Variants in PLEKHO1 observed in about 807,000 individuals in gnomAD.
PLEKHO1 encodes the protein pleckstrin homology domain containing O1, also known as pleckstrin homology domain-containing family O member 1.
Under a neutral mutation model 41.4 loss-of-function variants are expected in PLEKHO1, and 22 were observed. That is an observed-to-expected ratio of 0.53 (90% CI 0.38 to 0.76). The LOEUF is 0.76. Ranked by LOEUF, PLEKHO1 falls within the 30% of genes least tolerant of loss-of-function variation. PLEKHO1 has a pLI of 0.00. For synonymous variants in PLEKHO1, 225 were observed against 210.8 expected (o/e 1.07, Z -0.58); for missense variants, 488 against 518.3 (o/e 0.94, Z 0.57).
chr1:150,154,725 G>A (rs1553819965), intron 2 of PLEKHO1: 3 of 152,208 alleles, frequency 2.0e-5, no homozygotes, highest in African/African-American at 7.2e-5. Context: ...GAAGACGTGA[G>A]GCTACTTTTA....
In PLEKHO1 at chr1:150,156,182, C is replaced by G. The variant is rs1660159533; in HGVS notation, c.294C>G (p.Ala98=). Residue 98 remains alanine, a synonymous_variant, in exon 3 of 6, where the codon GCC becomes GCG. Transcript: ENST00000369124. ...AAAATCATAGCAAGTTTACTCTTGC[C>G]CACTCCAAACAGCCCGGTAACACGG... ...SKKNHSKFTL[A]HSKQPGNTAP... The G allele has an allele frequency of 1.9e-6, 3 of 1,613,764 alleles. No individual in the cohort carries two copies. Among genetic ancestry groups the G allele is most frequent in the South Asian group, 2.2e-5 (2 of 91,054 alleles).
rs781982662 is a variant in PLEKHO1, at chr1:150,156,092, G to A, written c.204G>A (p.Glu68=). The A allele has an allele frequency of 2.4e-5, 38 of 1,613,306 alleles. 1 individual carries two copies. Among genetic ancestry groups the A allele is most frequent in the South Asian group, 2.2e-4 (20 of 90,984 alleles). Residue 68 remains glutamate (E), a synonymous_variant, in exon 3 of 6, where the codon GAG becomes GAA. Transcript: ENST00000369124. The part of the protein sequence containing the change: ...KEVKDEKNIQ[E]VFDLSDYEKC... ...TAAAAGATGAGAAAAATATTCAAGA[G>A]GTATTTGACCTGAGTGACTATGAGA... is the stretch of plus-strand genomic sequence containing the variant.
intron 1 of PLEKHO1, 45 bp from the exon 2 acceptor site, chr1:150,150,867 G>T (rs782144183): frequency 6.3e-7 from 1 of 1,588,800 alleles, no homozygotes; most frequent in Non-Finnish European, 8.6e-7. Context: ...GGAAGCGCCG[G>T]CTGGAATCTC....
intron 3 of PLEKHO1, among the ~76,000 whole-genome samples, chr1:150,156,417 T>G (rs1660169862): frequency 1.3e-5 from 2 of 152,106 alleles, no homozygotes; most frequent in African/African-American, 4.8e-5. Flanking sequence ...GCCACAAAGA[T>G]CATCTCTCTA....
chr1:150,152,990 T>A (rs1271800608), intron 2 of PLEKHO1: 1 of 152,202 alleles, frequency 6.6e-6, no homozygotes, highest in South Asian at 2.1e-4. Flanking sequence ...ACCATCTGAC[T>A]GGTCATGGAG....
intron 5 of PLEKHO1, 41 bp from the exon 6 acceptor site, chr1:150,158,778 C>T (rs1660282587): frequency 2.1e-6 from 3 of 1,396,902 alleles, no homozygotes; most frequent in South Asian, 1.2e-5. Context: ...AAAATCCCTC[C>T]TGATGACAGG....
At position 150,159,459 on chromosome 1, in the gene PLEKHO1, A is replaced by G. The variant is rs782087189; in HGVS notation, c.1166A>G (p.Gln389Arg). The G allele has an allele frequency of 3.7e-6, 6 of 1,614,080 alleles. No homozygotes were observed. The Admixed American group carries it at 8.3e-5, about 22-fold the overall frequency. ...GACCTGTACAGACAGATGGACCTGCAGACCCCGGACTCCCACCTCAGACAG... is the reference window on the plus strand; with the variant it reads ...GACCTGTACAGACAGATGGACCTGCGGACCCCGGACTCCCACCTCAGACAG... ...LRDLYRQMDL[Q>R]TPDSHLRQTT... is the part of the protein sequence containing the mutation. The change falls in exon 6 of 6, where the codon CAG becomes CGG. Residue 389 changes from glutamine to arginine, a missense_variant. Transcript: ENST00000369124.
intron 5 of PLEKHO1, 76 bp downstream of exon 5, chr1:150,157,562 C>A: frequency 1.9e-6 from 2 of 1,045,586 alleles, no homozygotes; most frequent in Middle Eastern, 2.1e-4. Context: ...TGTATGCCAC[C>A]AGAGGCATTT....
chr1:150,155,800 G>T (rs1218561392), intron 2 of PLEKHO1: 6 of 368,288 alleles, frequency 1.6e-5, no homozygotes, highest in Non-Finnish European at 2.9e-5. Context: ...GAGGCATAGT[G>T]GGACTCTGGA....
chr1:150,156,886 T>A (rs1660191400), intron 3 of PLEKHO1, 25 bp from the exon 4 acceptor site: 9 of 1,438,694 alleles, frequency 6.3e-6, no homozygotes, highest in Non-Finnish European at 8.8e-6. Flanking sequence ...AAACCCTGGC[T>A]GAAACAGGAA....
rs1660291672 is a variant in PLEKHO1, at chr1:150,158,870, G to T, written c.577G>T (p.Glu193Ter). The T allele has an allele frequency of 6.2e-7, 1 of 1,613,812 alleles. No homozygotes were observed. Among genetic ancestry groups the T allele is most frequent in the African/African-American group, 1.3e-5 (1 of 75,028 alleles). The stretch of plus-strand genomic sequence containing the variant: ...GCTGACCTTGGACTTGATCCAAGAG[G>T]AAGACCCTTCCCCTGAGGAACCAAC... ...GMLTLDLIQE[E>*]DPSPEEPTSC... Residue 193 changes from glutamate to a stop codon, truncating the protein, a stop_gained, in exon 6 of 6, where the codon GAA (glutamate) becomes TAA (stop). Coordinates refer to ENST00000369124, the MANE Select transcript of PLEKHO1 (RefSeq NM_016274.6). LOFTEE classifies it high-confidence loss of function.
In PLEKHO1 at chr1:150,151,242, A is replaced by G. The variant is rs1026047488; in HGVS notation, c.177+184A>G. 2.6e-5 allele frequency among the ~76,000 whole-genome samples: 4 copies of G among 152,200 alleles called. No homozygotes were observed. In the East Asian group the frequency reaches 7.7e-4, roughly 29 times the overall value. On this transcript the variant is annotated intron_variant, in intron 2 of 5. Transcript: ENST00000369124. ...TAATGAGAAGACCAGAGTGAGAATT[A>G]GAAGTTGAGTTGGCCGCTTACTCAG...
chr1:150,150,701 G>T (rs1024172461), intron 1 of PLEKHO1: 8 of 547,572 alleles, frequency 1.5e-5, no homozygotes, highest in Non-Finnish European at 2.6e-5. Flanking sequence ...TGCAGCCCCG[G>T]TTGTTTATTC....
chr1:150,155,145 G>A (rs587736446), intron 2 of PLEKHO1: 1 of 152,354 alleles, frequency 6.6e-6, no homozygotes, highest in Admixed American at 6.5e-5. Context: ...CTTAAAACCT[G>A]CTAAAGGTGG....
At chr1:150,158,716 A>G in intron 5 of PLEKHO1, 103 bp from the exon 6 acceptor site, 1 of 793,176 alleles carries the variant, frequency 1.3e-6, no homozygotes. Context: ...CATTCAAGGA[A>G]GGCTTGTAGA....
chr1:150,159,441 A>G lies in PLEKHO1; in HGVS notation c.1148A>G (p.Tyr383Cys). 1 of 1,614,118 alleles carries G rather than the reference A, an allele frequency of 6.2e-7. No homozygotes were observed. Among genetic ancestry groups the G allele is most frequent in the Non-Finnish European group, 8.5e-7 (1 of 1,180,016 alleles). ...GAGGTCAGGGAGCTGAGAGACCTGTACAGACAGATGGACCTGCAGACCCCG... is the reference window on the plus strand; with the variant it reads ...GAGGTCAGGGAGCTGAGAGACCTGTGCAGACAGATGGACCTGCAGACCCCG... ...LQEVRELRDL[Y>C]RQMDLQTPDS... is the part of the protein sequence containing the mutation. Residue 383 changes from tyrosine to cysteine, a missense_variant, in exon 6 of 6, where the codon TAC (tyrosine) becomes TGC (cysteine). Physicochemically the swap from Tyr to Cys is radical, Grantham distance 194 (BLOSUM62 -2). Around this residue, in one of 3 missense-constraint regions of PLEKHO1, gnomAD observed 337 missense variants for 324.6 expected, o/e 1.04. Transcript: ENST00000369124.
At chr1:150,156,032 T>C (rs782572746) in intron 2 of PLEKHO1, 34 bp from the exon 3 acceptor site, 1 of 1,596,900 alleles carries the variant, frequency 6.3e-7, no homozygotes, top group Non-Finnish European at 8.6e-7. Context: ...CTAAATAATT[T>C]TATCCTCCTC....
chr1:150,151,191 C>G, intron 2 of PLEKHO1, 133 bp downstream of exon 2: 2 of 902,862 alleles, frequency 2.2e-6, no homozygotes, highest in Non-Finnish European at 3.4e-6. Flanking sequence ...CTACCCCCAT[C>G]TCATCTGCAG....
chr1:150,153,759 A>G (rs772018717), intron 2 of PLEKHO1: 2 of 152,220 alleles, frequency 1.3e-5, no homozygotes, highest in Non-Finnish European at 2.9e-5. Context: ...AGACCTTAGG[A>G]AGACCTCATG....
Sources: gnomAD v4.1 joint callset for allele counts (sites outside exome capture counted in the v4.1 genomes callset) on GRCh38, gnomAD v4.1.1 for gene constraint, gnomAD v4.1.1 regional missense constraint, MANE v1.5 for transcripts, NCBI Gene and HGNC (gene_info 2026-07-23, HGNC 2026-07-21) for gene names.